Variants in FLNB observed in about 807,000 individuals in gnomAD.
FLNB encodes filamin-B.
A neutral mutation model predicts 250.6 loss-of-function variants in FLNB; 111 were observed. That is an observed-to-expected ratio of 0.44 (90% CI 0.38 to 0.52). The LOEUF is 0.52. Among genes scored for constraint, FLNB ranks in the 20% least tolerant of loss-of-function variants. FLNB has a pLI of 0.00. For synonymous variants in FLNB, 1,302 were observed against 1,372.1 expected (o/e 0.95, Z 1.13); for missense variants, 2,869 against 3,447.8 (o/e 0.83, Z 4.20).
At chr3:58,085,742 C>T (rs1408591790) in intron 4 of FLNB, among the ~76,000 whole-genome samples, 1 of 152,184 alleles carries the variant, frequency 6.6e-6, no homozygotes, top group Non-Finnish European at 1.5e-5. Flanking sequence ...TACTGTAGAG[C>T]AATCCTTAAG....
At chr3:58,109,092 C>A in intron 13 of FLNB, 87 bp from the exon 14 acceptor site, 1 of 1,542,998 alleles carries the variant, frequency 6.5e-7, no homozygotes, top group Non-Finnish European at 8.9e-7. Context: ...CAAGTGGTGA[C>A]TTGGCTGTCT....
chr3:58,090,625 A>G (rs1330547046), intron 4 of FLNB, among the ~76,000 whole-genome samples: 2 of 152,232 alleles, frequency 1.3e-5, no homozygotes, highest in Admixed American at 1.3e-4. Context: ...TTACGGGACC[A>G]TCATTGTATG....
Position 58,041,841 on chromosome 3 carries a change from T to C in FLNB, c.292+32985T>C, listed in dbSNP as rs1023570540. ...GGGAAGCTTCCCGAGCAGCTTGTCT[T>C]GACTGTAGCCAGCTGGGTGGTCCCA... On this transcript the variant is annotated intron_variant, in intron 1 of 45. Transcript: ENST00000295956. Among the ~76,000 whole-genome samples the C allele has an allele frequency of 5.3e-5, 8 of 152,288 alleles. No homozygotes were observed. In the South Asian group the frequency reaches 1.7e-3, roughly 32 times the overall value.
In FLNB at chr3:58,130,778, C is replaced by T; in HGVS notation, c.4260C>T (p.Asp1420=). ...PFRVPVKDVV[D]PSKVKIAGPG... ...GGGTTCCTGTGAAGGATGTTGTGGA[C>T]CCCAGCAAGGTCAAGATTGCCGGCC... The change falls in exon 25 of 46, where the codon GAC becomes GAT. Residue 1420 remains aspartate (D), a synonymous_variant. Transcript: ENST00000295956. 3 of 1,613,926 alleles carry T rather than the reference C, an allele frequency of 1.9e-6. No individual in the cohort carries two copies. In the African/African-American group the frequency reaches 4.0e-5, roughly 22 times the overall value.
rs2097356555 is a variant in FLNB at position 58,158,463 on chromosome 3, A to G, written c.6889-1091A>G. Among the ~76,000 whole-genome samples the G allele has an allele frequency of 2.0e-5, 3 of 152,228 alleles. No homozygotes were observed. The South Asian group carries it at 6.2e-4, about 31-fold the overall frequency. ...CTTGGGCCAGTTCTTGGACCTCAGC[A>G]TCACCTGAGAACTTCAGTCCCAGAC... is the stretch of plus-strand genomic sequence containing the variant. On this transcript the variant is annotated intron_variant, in intron 41 of 45. Coordinates refer to ENST00000295956, the MANE Select transcript of FLNB (RefSeq NM_001457.4).
intron 41 of FLNB, among the ~76,000 whole-genome samples, chr3:58,156,565 G>A (rs1189365262): frequency 1.3e-5 from 2 of 152,170 alleles, no homozygotes; most frequent in Admixed American, 1.3e-4. Context: ...CCTTGCAATA[G>A]CCTGACAAGT....
At chr3:58,062,040 G>A (rs1461090120) in intron 1 of FLNB, among the ~76,000 whole-genome samples, 7 of 152,046 alleles carry the variant, frequency 4.6e-5, no homozygotes, top group East Asian at 3.9e-4. Flanking sequence ...GCAGTAAGCC[G>A]AAATCATGCC....
At chr3:58,024,849 TACTACAGGTGCCGCCACTATGCCC>T (rs1559642472) in intron 1 of FLNB, among the ~76,000 whole-genome samples, 1 of 150,856 alleles carries the variant, frequency 6.6e-6, no homozygotes, top group East Asian at 2.0e-4. Context: ...GAGTAGCTGG[TACTACAGGTGCCGCCACTATGCCC>T]AGCTAATTTT....
intron 39 of FLNB, 35 bp from the exon 40 acceptor site, chr3:58,154,756 G>C: frequency 1.2e-6 from 2 of 1,611,524 alleles, no homozygotes. Flanking sequence ...GCTCTGTGGG[G>C]CTCAGTCACT....
rs752719887 is a variant in FLNB at position 58,146,861 on chromosome 3, A to G, written c.5596A>G (p.Ile1866Val). Reference sequence around the variant, plus strand: ...TATTGAGGGCCCCTCAAAAGCAGAAATCAGCTGCATTGACAATAAAGATGG... The same window carrying G: ...TATTGAGGGCCCCTCAAAAGCAGAAGTCAGCTGCATTGACAATAAAGATGG... ...LAIEGPSKAE[I>V]SCIDNKDGTC... is the part of the protein sequence containing the mutation. Residue 1866 changes from isoleucine to valine, a missense_variant, in exon 34 of 46, where the codon ATC becomes GTC. By Grantham distance (29) the Ile-to-Val change is conservative. This residue lies in a region of FLNB where 1,084 missense variants were observed against 1,315.5 expected (regional missense o/e 0.82). Transcript: ENST00000295956. The G allele has an allele frequency of 3.7e-6, 6 of 1,614,184 alleles. No homozygotes were observed. The Admixed American group carries it at 1.0e-4, about 27-fold the overall frequency.
intron 4 of FLNB, among the ~76,000 whole-genome samples, chr3:58,083,069 A>G (rs1012706773): frequency 6.6e-6 from 1 of 152,198 alleles, no homozygotes; most frequent in Admixed American, 6.5e-5. Context: ...AAAATTAACA[A>G]TAGTTTCATA....
chr3:58,029,356 A>C (rs960571043), intron 1 of FLNB, among the ~76,000 whole-genome samples: 1 of 152,186 alleles, frequency 6.6e-6, no homozygotes, highest in African/African-American at 2.4e-5. Flanking sequence ...AAAAAGCCTC[A>C]TACTGCTAAT....
intron 1 of FLNB, among the ~76,000 whole-genome samples, chr3:58,040,711 T>G (rs895043405): frequency 2.6e-5 from 4 of 152,136 alleles, no homozygotes; most frequent in Non-Finnish European, 5.9e-5. Context: ...GCCAGGCTGG[T>G]CTCGAACTCC....
At chr3:58,114,551 C>CA (rs35730994) in intron 18 of FLNB, among the ~76,000 whole-genome samples, 74,085 of 151,686 alleles carry the variant, frequency 0.49, 20,995 homozygotes, top group East Asian at 0.97. Context: ...ATTATAAACC[C>CA]GAAATGGAAT....
chr3:58,145,810 C>G lies in FLNB; in HGVS notation c.5426-111C>G, dbSNP rs2097334909. On this transcript the variant is annotated intron_variant, in intron 32 of 45. Transcript: ENST00000295956. ...CTCCTTCTGTCTCTTCATGCCTCTG[C>G]TTAGGAGGCGCCAGACCTGTAGAGA... 3 of 1,345,688 alleles carry G rather than the reference C, an allele frequency of 2.2e-6. No individual in the cohort carries two copies. The South Asian group carries it at 3.5e-5, about 16-fold the overall frequency. The allele number at this position is 1,345,688 out of a possible 1,614,324, so 83.4% of individuals were successfully genotyped here. A position where few individuals can be genotyped will look rare whatever the true frequency, so the allele number is the denominator to read the frequency against.
At chr3:58,141,714 G>T (rs2097327434) in intron 29 of FLNB, 144 bp from the exon 30 acceptor site, 3 of 785,526 alleles carry the variant, frequency 3.8e-6, no homozygotes, top group Non-Finnish European at 6.6e-6. Flanking sequence ...TTCCAAAAGG[G>T]CAGTAAGAAA....
chr3:58,051,882 C>T (rs2097163014), intron 1 of FLNB, among the ~76,000 whole-genome samples: 1 of 151,984 alleles, frequency 6.6e-6, no homozygotes, highest in Non-Finnish European at 1.5e-5. Context: ...AGGGGAGAGA[C>T]TCGCTTTATT....
chr3:58,153,465 A>C lies in FLNB; in HGVS notation c.6458A>C (p.His2153Pro). Residue 2153 changes from histidine (H) to proline (P), a missense_variant, in exon 39 of 46, where the codon CAC (histidine) becomes CCC (proline). Around this residue, in one of 5 missense-constraint regions of FLNB, gnomAD observed 1,084 missense variants for 1,315.5 expected, o/e 0.82. Transcript: ENST00000295956. ...ATTGTGCCCATGGGGAAGAACTCAC[A>C]CTGCGTCCGGTTTGTGCCCCAGGAG... ...AEIVPMGKNS[H>P]CVRFVPQEMG... The C allele has an allele frequency of 6.2e-7, 1 of 1,614,218 alleles. No individual in the cohort carries two copies. Among genetic ancestry groups the C allele is most frequent in the Non-Finnish European group, 8.5e-7 (1 of 1,180,044 alleles).
At chr3:58,151,419 C>CAAA (rs1248965112) in intron 38 of FLNB, 1 of 131,484 alleles carries the variant, frequency 7.6e-6, no homozygotes, top group African/African-American at 3.2e-5. Flanking sequence ...AAAAAAAGAG[C>CAAA]TGTACTGATC....
Sources: allele counts gnomAD v4.1 joint callset (sites outside exome capture counted in the v4.1 genomes callset), GRCh38; gene constraint gnomAD v4.1.1; regional missense constraint gnomAD v4.1.1; transcripts MANE v1.5; gene names NCBI Gene and HGNC (gene_info 2026-07-23, HGNC 2026-07-21).